Variants in ADGRL3 observed in about 807,000 individuals in gnomAD.
ADGRL3 encodes calcium-independent alpha-latrotoxin receptor 3.
A neutral mutation model predicts 153.5 loss-of-function variants in ADGRL3; 62 were observed. That is an observed-to-expected ratio of 0.40 (90% CI 0.33 to 0.50). ADGRL3 has a LOEUF of 0.50. ADGRL3 is among the 20% of genes least tolerant of loss of function. ADGRL3 has a pLI of 0.47. For synonymous variants in ADGRL3, 710 were observed against 672.5 expected (o/e 1.06, Z -0.86); for missense variants, 1,641 against 1,859.4 (o/e 0.88, Z 2.16).
At chr4:61,617,507 C>T (rs768830507) in intron 5 of ADGRL3, among the ~76,000 whole-genome samples, 1 of 152,142 alleles carries the variant, frequency 6.6e-6, no homozygotes, top group Non-Finnish European at 1.5e-5. Flanking sequence ...TCCGTGGTCA[C>T]CAACTGGTTC....
At chr4:61,352,622 T>A (rs1310012412) in intron 1 of ADGRL3, among the ~76,000 whole-genome samples, 2 of 152,128 alleles carry the variant, frequency 1.3e-5, no homozygotes, top group African/African-American at 4.8e-5. Context: ...TGACCTCAGG[T>A]GATCCACCCG....
At chr4:61,988,839 A>T (rs1456517510) in intron 19 of ADGRL3, among the ~76,000 whole-genome samples, 1 of 152,142 alleles carries the variant, frequency 6.6e-6, no homozygotes, top group Admixed American at 6.6e-5. Flanking sequence ...AAATTGATGA[A>T]TAGTTTCTAA....
intron 1 of ADGRL3, among the ~76,000 whole-genome samples, chr4:61,372,066 G>T (rs865911744): frequency 3.3e-5 from 5 of 151,998 alleles, no homozygotes; most frequent in Non-Finnish European, 7.4e-5. Context: ...CTCGAGCCTT[G>T]GTTTTCAGCT....
chr4:61,363,758 G>T (rs2096336671), intron 1 of ADGRL3, among the ~76,000 whole-genome samples: 2 of 151,984 alleles, frequency 1.3e-5, no homozygotes, highest in African/African-American at 4.8e-5. Flanking sequence ...AGTTTACTTG[G>T]ATTTTTTTTT....
At chr4:62,041,440 T>C (rs1332565501) in intron 24 of ADGRL3, among the ~76,000 whole-genome samples, 4 of 152,080 alleles carry the variant, frequency 2.6e-5, no homozygotes, top group Non-Finnish European at 5.9e-5. Flanking sequence ...TATTATATAA[T>C]ATTTGAAAAA....
intron 9 of ADGRL3, among the ~76,000 whole-genome samples, chr4:61,871,130 T>C (rs563281737): frequency 1.3e-5 from 2 of 151,958 alleles, no homozygotes; most frequent in Non-Finnish European, 2.9e-5. Flanking sequence ...TACAAAAAAT[T>C]AGCCAGGTGT....
chr4:61,431,984 G>A (rs925304129), intron 2 of ADGRL3, among the ~76,000 whole-genome samples: 4 of 152,140 alleles, frequency 2.6e-5, no homozygotes, highest in Non-Finnish European at 4.4e-5. Context: ...CAAAGAGTAA[G>A]TTGCTACCAT....
At chr4:61,392,708 A>AAAAAAAAGT (rs1560565678) in intron 2 of ADGRL3, among the ~76,000 whole-genome samples, 1 of 92,740 alleles carries the variant, frequency 1.1e-5, no homozygotes, top group Admixed American at 1.7e-4. Flanking sequence ...AAAAAAAAAG[A>AAAAAAAAGT]AAAAGGAAAA....
At chr4:61,614,307 G>C (rs1305573651) in intron 5 of ADGRL3, among the ~76,000 whole-genome samples, 1 of 152,116 alleles carries the variant, frequency 6.6e-6, no homozygotes, top group African/African-American at 2.4e-5. Flanking sequence ...ACTTCAGAAG[G>C]ATCTCTTTCC....
chr4:61,681,173 C>T (rs1455048902), intron 6 of ADGRL3, among the ~76,000 whole-genome samples: 1 of 152,074 alleles, frequency 6.6e-6, no homozygotes, highest in Admixed American at 6.6e-5. Context: ...TCATCTAGAG[C>T]TGCCTTCATT....
At chr4:61,939,499 T>C (rs929152753) in intron 15 of ADGRL3, among the ~76,000 whole-genome samples, 3 of 150,536 alleles carry the variant, frequency 2.0e-5, no homozygotes, top group Non-Finnish European at 4.4e-5. Flanking sequence ...AGACGGAGTC[T>C]CACTCTGTCA....
At chr4:61,958,393 C>CTTTCT (rs199888298) in intron 17 of ADGRL3, among the ~76,000 whole-genome samples, 54 of 140,136 alleles carry the variant, frequency 3.9e-4, no homozygotes, top group Non-Finnish European at 7.4e-4. Flanking sequence ...TTCTTTCTTT[C>CTTTCT]TTTCTTTCTT....
At chr4:61,560,861 T>C (rs1190380594) in intron 4 of ADGRL3, among the ~76,000 whole-genome samples, 4 of 152,136 alleles carry the variant, frequency 2.6e-5, no homozygotes, top group African/African-American at 9.7e-5. Context: ...TTTGTTTTCA[T>C]TTTACTAAAA....
intron 24 of ADGRL3, among the ~76,000 whole-genome samples, chr4:62,043,685 T>G (rs1464664772): frequency 6.6e-6 from 1 of 152,048 alleles, no homozygotes; most frequent in Non-Finnish European, 1.5e-5. Flanking sequence ...AGATTGTTAA[T>G]ACTTTTTTGA....
chr4:61,874,529 C>T (rs1000421349), intron 9 of ADGRL3, among the ~76,000 whole-genome samples: 1 of 151,588 alleles, frequency 6.6e-6, no homozygotes, highest in African/African-American at 2.4e-5. Flanking sequence ...TGAATATCAG[C>T]AAGAGGGGCC....
At chr4:61,991,896 A>G (rs1322103165) in intron 19 of ADGRL3, among the ~76,000 whole-genome samples, 2 of 148,032 alleles carry the variant, frequency 1.4e-5, no homozygotes, top group Non-Finnish European at 3.0e-5. Flanking sequence ...TTATATTTAT[A>G]AAATACATTT....
At chr4:61,720,319 A>G (rs1040921548) in intron 6 of ADGRL3, among the ~76,000 whole-genome samples, 2 of 148,746 alleles carry the variant, frequency 1.3e-5, no homozygotes, top group Non-Finnish European at 3.0e-5. Flanking sequence ...CCAACTCCCG[A>G]CCTCGTGATC....
intron 20 of ADGRL3, 59 bp from the exon 21 acceptor site, chr4:61,998,115 A>G: frequency 1.3e-6 from 1 of 797,668 alleles, no homozygotes; most frequent in South Asian, 1.9e-5. Flanking sequence ...ATAGAGAATA[A>G]ATTTGCTTTT....
intron 8 of ADGRL3, among the ~76,000 whole-genome samples, chr4:61,793,652 C>T (rs910714486): frequency 1.3e-5 from 2 of 152,114 alleles, no homozygotes; most frequent in African/African-American, 4.8e-5. Context: ...TACCCCCAGC[C>T]TCCATTCTCA....
Sources: allele counts gnomAD v4.1 joint callset (sites outside exome capture counted in the v4.1 genomes callset), GRCh38; gene constraint gnomAD v4.1.1; transcripts MANE v1.5; gene names NCBI Gene and HGNC (gene_info 2026-07-23, HGNC 2026-07-21).